FBXL17: variants seen among roughly 807,000 people sequenced by gnomAD.
FBXL17 encodes F-box and leucine rich repeat protein 17.
In FBXL17, 22 loss-of-function variants were observed where a neutral mutation model predicts 66.2. The observed-to-expected ratio is 0.33, with a 90% CI of 0.24 to 0.47. The LOEUF is 0.47. Ranked by LOEUF, FBXL17 falls within the 20% of genes least tolerant of loss-of-function variation. The probability of loss-of-function intolerance (pLI) is 1.00; values close to 1 mark genes in which losing one functional copy is unlikely to be tolerated. For missense variants in FBXL17, 878 were observed against 948.2 expected, an observed-to-expected ratio of 0.93 and a Z score of 0.97; for synonymous variants, 474 against 400.5, an observed-to-expected ratio of 1.18 and a Z score of -2.19.
intron 6 of FBXL17, among the ~76,000 whole-genome samples, chr5:108,054,228 G>A (rs1012396458): frequency 1.2e-4 from 17 of 144,914 alleles, no homozygotes; most frequent in East Asian, 2.1e-4. Context: ...ATCCCGGAAC[G>A]TAAAGTAAAA....
intron 8 of FBXL17, chr5:107,879,581 G>T (rs67534664): frequency 0.086 from 85,163 of 985,268 alleles, 4,212 homozygotes; most frequent in South Asian, 0.2. Context: ...ATTCTAAAGT[G>T]TTTGGAGAAA....
intron 6 of FBXL17, among the ~76,000 whole-genome samples, chr5:108,179,973 A>G (rs756252972): frequency 5.9e-5 from 9 of 152,184 alleles, no homozygotes; most frequent in Non-Finnish European, 1.2e-4. Context: ...AGAACAGTCC[A>G]TTCATCATCC....
At chr5:107,946,802 T>C (rs2112599475) in intron 7 of FBXL17, among the ~76,000 whole-genome samples, 1 of 152,254 alleles carries the variant, frequency 6.6e-6, no homozygotes, top group East Asian at 1.9e-4. Flanking sequence ...ATGAGAATAT[T>C]ATATTTGTGT....
intron 7 of FBXL17, among the ~76,000 whole-genome samples, chr5:107,989,486 G>T (rs933324859): frequency 6.6e-6 from 1 of 152,008 alleles, no homozygotes; most frequent in African/African-American, 2.4e-5. Flanking sequence ...TCTTTTTTAT[G>T]GCTGAATAAT....
At chr5:108,356,433 T>C (rs940860470) in intron 3 of FBXL17, among the ~76,000 whole-genome samples, 1 of 152,184 alleles carries the variant, frequency 6.6e-6, no homozygotes, top group African/African-American at 2.4e-5. Context: ...ATGCCCAAAA[T>C]GTCCTTCAGT....
In FBXL17 at chr5:108,061,295, G is replaced by GA. The variant is rs35330686; in HGVS notation, c.1746-40295dup. Among the ~76,000 whole-genome samples, 30 of 148,154 alleles carry GA rather than the reference G, an allele frequency of 2.0e-4. No homozygotes were observed. The East Asian group carries it at 2.8e-3, about 14-fold the overall frequency. Reference sequence around the variant, plus strand: ...AGAGCCAAACCCCATACAAAAAAAAGAAAAAAAAAATTCCTTATTTCCTAT... The same window carrying GA: ...AGAGCCAAACCCCATACAAAAAAAAGAAAAAAAAAAATTCCTTATTTCCTAT... On this transcript the variant is annotated intron_variant, in intron 6 of 8. Coordinates refer to ENST00000542267, the MANE Select transcript of FBXL17 (RefSeq NM_001163315.3).
chr5:108,110,577 AGAG>A (rs1749992617), intron 6 of FBXL17, among the ~76,000 whole-genome samples: 1 of 152,204 alleles, frequency 6.6e-6, no homozygotes, highest in Non-Finnish European at 1.5e-5. Flanking sequence ...TAGTTTCCAC[AGAG>A]GAGAAGAAGG....
At chr5:108,034,786 A>C (rs1746779327) in intron 6 of FBXL17, among the ~76,000 whole-genome samples, 1 of 152,204 alleles carries the variant, frequency 6.6e-6, no homozygotes, top group African/African-American at 2.4e-5. Flanking sequence ...AAACTGTATC[A>C]AAGCTTTTAA....
intron 4 of FBXL17, among the ~76,000 whole-genome samples, chr5:108,267,465 A>T (rs1757090018): frequency 6.6e-6 from 1 of 152,086 alleles, no homozygotes; most frequent in Non-Finnish European, 1.5e-5. Context: ...ATTCAGTATA[A>T]GATGCAGGGT....
rs147593785 is a variant in FBXL17, at chr5:107,922,847, T to C, written c.1823-41668A>G. On this transcript the variant is annotated intron_variant, in intron 7 of 8. Transcript: ENST00000542267. The stretch of plus-strand genomic sequence containing the variant: ...ACAGGCCTACATATAAATGATGTGG[T>C]ATAAAGAATAAGCTCAGAGACCTCT... Among the ~76,000 whole-genome samples, 868 of 152,268 alleles carry C rather than the reference T, an allele frequency of 5.7e-3. 9 individuals carry two copies. The highest frequency in any genetic ancestry group is 0.02 in the African/African-American group (828 of 41,558).
chr5:108,000,506 A>C (rs2034499074), intron 7 of FBXL17, among the ~76,000 whole-genome samples: 1 of 152,246 alleles, frequency 6.6e-6, no homozygotes, highest in Non-Finnish European at 1.5e-5. Context: ...CACAGAAGCA[A>C]TAACAATATT....
chr5:108,123,621 T>C, intron 6 of FBXL17, among the ~76,000 whole-genome samples: 1 of 152,160 alleles, frequency 6.6e-6, no homozygotes, highest in Non-Finnish European at 1.5e-5. Flanking sequence ...GCAATCTGAA[T>C]GAAAGCAAAC....
intron 4 of FBXL17, among the ~76,000 whole-genome samples, chr5:108,244,896 T>A (rs1756023901): frequency 6.6e-6 from 1 of 152,174 alleles, no homozygotes; most frequent in Admixed American, 6.5e-5. Flanking sequence ...TTTTTGAAAG[T>A]ATCCAAATAA....
intron 6 of FBXL17, among the ~76,000 whole-genome samples, chr5:108,139,716 A>G (rs916687300): frequency 3.3e-5 from 5 of 152,220 alleles, no homozygotes; most frequent in Admixed American, 6.5e-5. Flanking sequence ...CTCAGCTTCT[A>G]ACACTCCACA....
At chr5:107,864,162 A>G (rs375741473) in intron 8 of FBXL17, among the ~76,000 whole-genome samples, 1 of 152,184 alleles carries the variant, frequency 6.6e-6, no homozygotes, top group South Asian at 2.1e-4. Context: ...TGACTGATAT[A>G]AAAAGCCCAC....
intron 7 of FBXL17, among the ~76,000 whole-genome samples, chr5:107,950,171 A>T (rs1490624012): frequency 1.3e-5 from 2 of 152,186 alleles, no homozygotes; most frequent in Non-Finnish European, 2.9e-5. Context: ...AAACCCTCCA[A>T]GAAAAAGACA....
In FBXL17 at chr5:107,960,172, G is replaced by T. The variant is rs1751835833; in HGVS notation, c.1822+60753C>A. ...ACTAAAGCTTACTCATTTATCCACG[G>T]TTCTAGGACACAGTTTGTCCTCAGT... On this transcript the variant is annotated intron_variant, in intron 7 of 8. Coordinates refer to ENST00000542267, the MANE Select transcript of FBXL17 (RefSeq NM_001163315.3). 2.0e-5 allele frequency among the ~76,000 whole-genome samples: 3 copies of T among 151,974 alleles called. No individual in the cohort carries two copies. The South Asian group carries it at 6.2e-4, about 32-fold the overall frequency.
At chr5:108,104,484 T>A (rs528108217) in intron 6 of FBXL17, among the ~76,000 whole-genome samples, 3 of 152,330 alleles carry the variant, frequency 2.0e-5, no homozygotes, top group East Asian at 1.9e-4. Flanking sequence ...GCTCAAAATG[T>A]CCAATTTAAC....
chr5:108,375,576 C>T (rs752135931), intron 1 of FBXL17, among the ~76,000 whole-genome samples: 1 of 151,806 alleles, frequency 6.6e-6, no homozygotes, highest in Admixed American at 6.6e-5. Flanking sequence ...AAAACTGACT[C>T]AAAGGAAATA....
Sources: allele counts gnomAD v4.1 joint callset (sites outside exome capture counted in the v4.1 genomes callset), GRCh38; gene constraint gnomAD v4.1.1; transcripts MANE v1.5; gene names NCBI Gene and HGNC (gene_info 2026-07-23, HGNC 2026-07-21).